The following TAS2R50 variants were observed in gnomAD, a reference collection of about 807,000 sequenced individuals.
TAS2R50 encodes the protein taste 2 receptor member 50.
For synonymous variants in TAS2R50, 140 were observed against 126.9 expected (o/e 1.10, Z -0.70); for missense variants, 372 against 347.0 (o/e 1.07, Z -0.57).
At position 10,986,000 on chromosome 12, in the gene TAS2R50, T is replaced by C; in HGVS notation, c.861A>G (p.Lys287=). ...GACACAAAATCAAAAGAAAGGTGTG[T>C]TTTAGCTTCTTGGTTCTCCAAATTA... The part of the protein sequence containing the change: ...FILIWRTKKL[K]HTFLLILCQI... Residue 287 remains lysine (K), a synonymous_variant, in exon 1 of 1, where the codon AAA becomes AAG. Transcript: ENST00000506868. The C allele has an allele frequency of 1.9e-6, 3 of 1,613,684 alleles. No homozygotes were observed. The South Asian group carries it at 3.3e-5, about 18-fold the overall frequency.
At chr12:10,986,436 CA>C in the TAS2R50 span, 5 of 1,613,998 alleles carry the variant, frequency 3.1e-6, no homozygotes, top group Middle Eastern at 1.6e-4. Context: ...AAGAAGATGA[CA>C]AACCAAAAAT....
Position 10,986,893 on chromosome 12 carries a change from C to T in TAS2R50, c.-33G>A, listed in dbSNP as rs1379222256. 4 of 1,404,478 alleles carry T rather than the reference C, an allele frequency of 2.8e-6. No homozygotes were observed. In the East Asian group the frequency reaches 9.4e-5, roughly 33 times the overall value. 87.0% of individuals were successfully genotyped at this position (1,404,478 alleles called of 1,614,324 possible). ...CAGAAAAAAAGAAAGAAAATGCAAG[C>T]CTAATATCACTGGTTGTGATTTCTT... On this transcript the variant is annotated 5_prime_UTR_variant, in exon 1 of 1. Transcript: ENST00000506868.
chr12:10,986,705 C>A lies in TAS2R50; in HGVS notation c.156G>T (p.Ala52=). 6.2e-7 allele frequency: 1 copy of A among 1,612,440 alleles called. No homozygotes were observed. Among genetic ancestry groups the A allele is most frequent in the Non-Finnish European group, 8.5e-7 (1 of 1,179,658 alleles). Residue 52 remains alanine (A), a synonymous_variant, in exon 1 of 1, where the codon GCG becomes GCT. Transcript: ENST00000506868. ...SSADQILTAL[A]VSRIGLLWAL... is the part of the protein sequence containing the mutation. ...CCCAGAGCAAACCAATTCTGGAGACCGCCAGAGCAGTGAGAATTTGGTCAG... is the reference window on the plus strand; with the variant it reads ...CCCAGAGCAAACCAATTCTGGAGACAGCCAGAGCAGTGAGAATTTGGTCAG...
the TAS2R50 span, chr12:10,986,597 C>T: frequency 6.2e-7 from 1 of 1,613,670 alleles, no homozygotes. Context: ...TGGTTACAAC[C>T]CAGGCATTAT....
At position 10,986,655 on chromosome 12, in the gene TAS2R50, G is replaced by C; in HGVS notation, c.206C>G (p.Thr69Ser). The C allele has an allele frequency of 6.2e-7, 1 of 1,612,144 alleles. No individual in the cohort carries two copies. The highest frequency in any genetic ancestry group is 1.1e-5 in the South Asian group (1 of 90,526). ...LWALLLNWYL[T>S]VLNPAFYSVE... ...ACTATAAAAAGCTGGATTCAACACA[G>C]TTAAATACCAATTTAATAATAATGC... Residue 69 changes from threonine (T) to serine (S), a missense_variant, in exon 1 of 1, where the codon ACT becomes AGT. Physicochemically the swap from Thr to Ser is moderately conservative, Grantham distance 58. Coordinates refer to ENST00000506868, the MANE Select transcript of TAS2R50 (RefSeq NM_176890.2).
Position 10,986,693 on chromosome 12 carries a change from A to G in TAS2R50, c.168T>C (p.Ile56=). Residue 56 remains isoleucine, a synonymous_variant, in exon 1 of 1, where the codon ATT becomes ATC. Coordinates refer to ENST00000506868, the MANE Select transcript of TAS2R50 (RefSeq NM_176890.2). ...TTAATAATAATGCCCAGAGCAAACC[A>G]ATTCTGGAGACCGCCAGAGCAGTGA... ...QILTALAVSR[I]GLLWALLLNW... 6.2e-7 allele frequency: 1 copy of G among 1,612,490 alleles called. No homozygotes were observed. The highest frequency in any genetic ancestry group is 8.5e-7 in the Non-Finnish European group (1 of 1,179,644).
At position 10,986,131 on chromosome 12, in the gene TAS2R50, A is replaced by C; in HGVS notation, c.730T>G (p.Phe244Val). ...GGACTCCAAACCGAAACGATTAGGA[A>C]TAGAAAGAAAATGGCACATAACAAG... ...FLLLCAIFFL[F>V]LIVSVWSPRR... Residue 244 changes from phenylalanine to valine, a missense_variant, in exon 1 of 1, where the codon TTC becomes GTC. Coordinates refer to ENST00000506868, the MANE Select transcript of TAS2R50 (RefSeq NM_176890.2). 1.2e-6 allele frequency: 2 copies of C among 1,614,100 alleles called. No homozygotes were observed. Among genetic ancestry groups the C allele is most frequent in the Non-Finnish European group, 1.7e-6 (2 of 1,179,992 alleles).
In TAS2R50 at chr12:10,986,887, T is replaced by C. The variant is rs781027948; in HGVS notation, c.-27A>G. On this transcript the variant is annotated 5_prime_UTR_variant, in exon 1 of 1. Coordinates refer to ENST00000506868, the MANE Select transcript of TAS2R50 (RefSeq NM_176890.2). ...TCTGAGCAGAAAAAAAGAAAGAAAA[T>C]GCAAGCCTAATATCACTGGTTGTGA... 2 of 1,442,894 alleles carry C rather than the reference T, an allele frequency of 1.4e-6. No individual in the cohort carries two copies. The highest frequency in any genetic ancestry group is 1.4e-5 in the African/African-American group (1 of 69,738). The allele number at this position is 1,442,894 out of a possible 1,614,324, so 89.4% of individuals were successfully genotyped here. A position where few individuals can be genotyped will look rare whatever the true frequency, so the allele number is the denominator to read the frequency against.
Position 10,986,127 on chromosome 12 carries a change from A to T in TAS2R50, c.734T>A (p.Leu245Gln). ...CCTAGGACTCCAAACCGAAACGATT[A>T]GGAATAGAAAGAAAATGGCACATAA... ...LLLCAIFFLF[L>Q]IVSVWSPRRL... The change falls in exon 1 of 1, where the codon CTA becomes CAA. Residue 245 changes from leucine (L) to glutamine (Q), a missense_variant. Transcript: ENST00000506868. 1 of 1,614,126 alleles carries T rather than the reference A, an allele frequency of 6.2e-7. No individual in the cohort carries two copies. The highest frequency in any genetic ancestry group is 1.1e-5 in the South Asian group (1 of 91,076).
At position 10,986,177 on chromosome 12, in the gene TAS2R50, C is replaced by A. The variant is rs1453390750; in HGVS notation, c.684G>T (p.Leu228Phe). 1.2e-6 allele frequency: 2 copies of A among 1,613,892 alleles called. No individual in the cohort carries two copies. Among genetic ancestry groups the A allele is most frequent in the Non-Finnish European group, 1.7e-6 (2 of 1,180,008 alleles). Residue 228 changes from leucine to phenylalanine, a missense_variant, in exon 1 of 1, where the codon TTG becomes TTT. Transcript: ENST00000506868. ...ACAAGAGGAAGGAGATCAGAGTTTGCAAAGCTTTTATGTGGACCTTGGTGC... is the reference window on the plus strand; with the variant it reads ...ACAAGAGGAAGGAGATCAGAGTTTGAAAAGCTTTTATGTGGACCTTGGTGC... ...DLSTKVHIKA[L>F]QTLISFLLLC...
rs982533920 is a variant in TAS2R50, at chr12:10,986,049, T to C, written c.812A>G (p.Tyr271Cys). Reference protein sequence around the residue: ...VMVSKAVGNIYLAFDSFILIW... With the variant: ...VMVSKAVGNICLAFDSFILIW... The stretch of plus-strand genomic sequence containing the variant: ...TAGGATGAATGAGTCGAATGCAAGA[T>C]ATATGTTTCCAACAGCCTTGCTAAC... The change falls in exon 1 of 1, where the codon TAT becomes TGT. Residue 271 changes from tyrosine to cysteine, a missense_variant. Coordinates refer to ENST00000506868, the MANE Select transcript of TAS2R50 (RefSeq NM_176890.2). 33 of 1,613,918 alleles carry C rather than the reference T, an allele frequency of 2.0e-5. No individual in the cohort carries two copies. The highest frequency in any genetic ancestry group is 2.6e-5 in the Non-Finnish European group (31 of 1,180,004).
chr12:10,986,117 C>G lies in TAS2R50; in HGVS notation c.744G>C (p.Ser248=), dbSNP rs768600803. The change falls in exon 1 of 1, where the codon TCG becomes TCC. Residue 248 remains serine (S), a synonymous_variant. Coordinates refer to ENST00000506868, the MANE Select transcript of TAS2R50 (RefSeq NM_176890.2). ...CAIFFLFLIV[S]VWSPRRLRND... is the part of the protein sequence containing the mutation. Reference sequence around the variant, plus strand: ...TCCGCAGCCTCCTAGGACTCCAAACCGAAACGATTAGGAATAGAAAGAAAA... The same window carrying G: ...TCCGCAGCCTCCTAGGACTCCAAACGGAAACGATTAGGAATAGAAAGAAAA... 1.2e-6 allele frequency: 2 copies of G among 1,613,964 alleles called. No homozygotes were observed. The highest frequency in any genetic ancestry group is 3.3e-5 in the Admixed American group (2 of 60,006).
At position 10,986,879 on chromosome 12, in the gene TAS2R50, A is replaced by C; in HGVS notation, c.-19T>G. 6.8e-7 allele frequency: 1 copy of C among 1,467,972 alleles called. No homozygotes were observed. The highest frequency in any genetic ancestry group is 9.1e-7 in the Non-Finnish European group (1 of 1,102,314). The allele number at this position is 1,467,972 out of a possible 1,614,324, so 90.9% of individuals were successfully genotyped here. A position where few individuals can be genotyped will look rare whatever the true frequency, so the allele number is the denominator to read the frequency against. On this transcript the variant is annotated 5_prime_UTR_variant, in exon 1 of 1. Transcript: ENST00000506868. The stretch of plus-strand genomic sequence containing the variant: ...TTATCATATCTGAGCAGAAAAAAAG[A>C]AAGAAAATGCAAGCCTAATATCACT...
Position 10,986,243 on chromosome 12 carries a change from G to C in TAS2R50, c.618C>G (p.Leu206=), listed in dbSNP as rs760258562. The C allele has an allele frequency of 6.2e-7, 1 of 1,614,108 alleles. No individual in the cohort carries two copies. The part of the protein sequence containing the change: ...LMLICSLCKH[L]KKMQLHGEGS... ...CTTCTCCATGGAGCTGCATCTTCTT[G>C]AGATGTTTACACAGAGAACAGATTA... Residue 206 remains leucine (L), a synonymous_variant, in exon 1 of 1, where the codon CTC becomes CTG. Coordinates refer to ENST00000506868, the MANE Select transcript of TAS2R50 (RefSeq NM_176890.2).
rs186746554 is a variant in TAS2R50 at position 10,986,146 on chromosome 12, C to T, written c.715G>A (p.Ala239Thr). 1 of 1,614,036 alleles carries T rather than the reference C, an allele frequency of 6.2e-7. No individual in the cohort carries two copies. Among genetic ancestry groups the T allele is most frequent in the African/African-American group, 1.3e-5 (1 of 74,984 alleles). ...ACGATTAGGAATAGAAAGAAAATGG[C>T]ACATAACAAGAGGAAGGAGATCAGA... ...QTLISFLLLC[A>T]IFFLFLIVSV... Residue 239 changes from alanine (A) to threonine (T), a missense_variant, in exon 1 of 1, where the codon GCC (alanine) becomes ACC (threonine). Coordinates refer to ENST00000506868, the MANE Select transcript of TAS2R50 (RefSeq NM_176890.2).
chr12:10,986,659 AAT>A, the TAS2R50 span: 4 of 1,612,244 alleles, frequency 2.5e-6, no homozygotes, highest in Non-Finnish European at 3.4e-6. Flanking sequence ...AACACAGTTA[AAT>A]ACCAATTTAA....
At position 10,986,408 on chromosome 12, in the gene TAS2R50, C is replaced by G. The variant is rs537572710; in HGVS notation, c.453G>C (p.Glu151Asp). The change falls in exon 1 of 1, where the codon GAG (glutamate) becomes GAC (aspartate). Residue 151 changes from glutamate (E) to aspartate (D), a missense_variant. Transcript: ENST00000506868. The stretch of plus-strand genomic sequence containing the variant: ...CTTCATATTCTTCTGCCCACATACT[C>G]TCATCCATGTTTGCCACAAGAAGAT... ...VCHLLVANMD[E>D]SMWAEEYEGN... is the part of the protein sequence containing the mutation. 27 of 1,613,934 alleles carry G rather than the reference C, an allele frequency of 1.7e-5. No individual in the cohort carries two copies. Among genetic ancestry groups the G allele is most frequent in the Non-Finnish European group, 2.0e-5 (24 of 1,180,024 alleles).
In TAS2R50 at chr12:10,986,535, T is replaced by C. The variant is rs1380991643; in HGVS notation, c.326A>G (p.Lys109Arg). ...AAGAAGGTTGGAGAAATTGGCAATC[T>C]TGAGCAAATAAAATATGCTGAGGTT... ...AANLSIFYLL[K>R]IANFSNLLFL... The change falls in exon 1 of 1, where the codon AAG becomes AGG. Residue 109 changes from lysine (K) to arginine (R), a missense_variant. Lys to Arg is a conservative substitution (Grantham distance 26). Coordinates refer to ENST00000506868, the MANE Select transcript of TAS2R50 (RefSeq NM_176890.2). The C allele has an allele frequency of 6.2e-7, 1 of 1,614,100 alleles. No individual in the cohort carries two copies. The highest frequency in any genetic ancestry group is 8.5e-7 in the Non-Finnish European group (1 of 1,180,004).
In TAS2R50 at chr12:10,986,448, A is replaced by T; in HGVS notation, c.413T>A (p.Ile138Lys). 6 of 1,614,064 alleles carry T rather than the reference A, an allele frequency of 3.7e-6. No individual in the cohort carries two copies. Among genetic ancestry groups the T allele is most frequent in the Non-Finnish European group, 5.1e-6 (6 of 1,180,022 alleles). ...CACAAGAAGATGACAAACCAAAAAT[A>T]TCAAAGTCCCCAACAGTATCACCAG... is the stretch of plus-strand genomic sequence containing the variant. Reference protein sequence around the residue: ...VILVILLGTLIFLVCHLLVAN... With the variant: ...VILVILLGTLKFLVCHLLVAN... The change falls in exon 1 of 1, where the codon ATA becomes AAA. Residue 138 changes from isoleucine to lysine, a missense_variant. Physicochemically the swap from Ile to Lys is moderately radical, Grantham distance 102. Transcript: ENST00000506868.
Sources: gnomAD v4.1 joint callset for allele counts on GRCh38, gnomAD v4.1.1 for gene constraint, MANE v1.5 for transcripts, NCBI Gene and HGNC (gene_info 2026-07-23, HGNC 2026-07-21) for gene names.